Variants in VAV2 observed in about 807,000 individuals in gnomAD.
VAV2 encodes the protein vav guanine nucleotide exchange factor 2, also known as guanine nucleotide exchange factor VAV2.
In VAV2, 67 loss-of-function variants were observed where a neutral mutation model predicts 132.5. The observed-to-expected ratio is 0.51, with a 90% CI of 0.42 to 0.62. The LOEUF (loss-of-function observed/expected upper bound fraction) is 0.62. Ranked by LOEUF, VAV2 falls within the 20% of genes least tolerant of loss-of-function variation. VAV2 has a pLI of 0.00. For synonymous variants in VAV2, 492 were observed against 443.5 expected, an observed-to-expected ratio of 1.11 and a Z score of -1.37; for missense variants, 938 against 1,153.6, an observed-to-expected ratio of 0.81 and a Z score of 2.71.
intron 25 of VAV2, 21 bp downstream of exon 25, chr9:133,774,903 TGGGTCTCCTCG>T: frequency 6.3e-7 from 1 of 1,585,932 alleles, no homozygotes; most frequent in Non-Finnish European, 8.6e-7. Flanking sequence ...CATTGGGGGA[TGGGTCTCCTCG>T]AGCCCAGAGC....
At position 133,788,331 on chromosome 9, in the gene VAV2, A is replaced by AG. The variant is rs752614537; in HGVS notation, c.1407+22dup. The AG allele has an allele frequency of 5.1e-6, 8 of 1,577,824 alleles. No individual in the cohort carries two copies. In the South Asian group the frequency reaches 7.7e-5, roughly 15 times the overall value. On this transcript the variant is annotated intron_variant, in intron 15 of 29. Transcript: ENST00000371850. The surrounding 1 kb of genome is among the most constrained non-coding windows in gnomAD (Gnocchi z 5.3). ...GGCCACCCCCACGTTCCTGGGTAGC[A>AG]GGGGGGACCCGGAAGGCCCCACCTT...
intron 2 of VAV2, among the ~76,000 whole-genome samples, chr9:133,917,441 C>CTTTCTTTTTT (rs1840134969): frequency 3.0e-5 from 4 of 132,610 alleles, no homozygotes; most frequent in African/African-American, 1.3e-4. Flanking sequence ...AAAACTCTTT[C>CTTTCTTTTTT]TTTTTTTTTT....
intron 2 of VAV2, among the ~76,000 whole-genome samples, chr9:133,910,967 G>A (rs1282914185): frequency 6.6e-6 from 1 of 152,134 alleles, no homozygotes; most frequent in Non-Finnish European, 1.5e-5. Context: ...TTTGTCTATG[G>A]GTCACGGCAG....
intron 2 of VAV2, among the ~76,000 whole-genome samples, chr9:133,933,744 GA>G: frequency 7.0e-6 from 1 of 143,054 alleles, no homozygotes; most frequent in African/African-American, 2.6e-5. Context: ...ATGAATGGAT[GA>G]GTGGATGGAT....
At chr9:133,902,114 T>G (rs1263515013) in intron 2 of VAV2, among the ~76,000 whole-genome samples, 5 of 151,118 alleles carry the variant, frequency 3.3e-5, no homozygotes, top group Non-Finnish European at 1.5e-5. Context: ...ATCACAGACT[T>G]GGACCCAGGA....
intron 9 of VAV2, among the ~76,000 whole-genome samples, chr9:133,799,239 C>T (rs916831869): frequency 2.0e-5 from 3 of 152,152 alleles, no homozygotes; most frequent in South Asian, 2.1e-4. Context: ...GGCACAGGGA[C>T]GGGCATCTTG....
At chr9:133,861,280 C>T in intron 3 of VAV2, 94 bp downstream of exon 3, 3 of 1,351,734 alleles carry the variant, frequency 2.2e-6, no homozygotes, top group Non-Finnish European at 3.0e-6. Context: ...AGGCAGAGGG[C>T]ATCTGCTTCC....
chr9:133,768,726 T>C lies in VAV2; in HGVS notation c.2435-130A>G. ...CTGCTCTGTACCCAGAGAGGAAGGA[T>C]GTCAAGCAGAAAGGCTCTGGAGGGA... On this transcript the variant is annotated intron_variant, in intron 28 of 29. Transcript: ENST00000371850. The surrounding 1 kb of genome is among the most constrained non-coding windows in gnomAD (Gnocchi z 5.3). The C allele has an allele frequency of 1.6e-6, 2 of 1,229,792 alleles. No homozygotes were observed. The highest frequency in any genetic ancestry group is 2.2e-6 in the Non-Finnish European group (2 of 908,242). 76.2% of individuals were successfully genotyped at this position (1,229,792 alleles called of 1,614,324 possible).
In VAV2 at chr9:133,772,004, G is replaced by A. The variant is rs1413946295; in HGVS notation, c.2178C>T (p.Asp726=). The A allele has an allele frequency of 6.5e-7, 1 of 1,546,232 alleles. No individual in the cohort carries two copies. The highest frequency in any genetic ancestry group is 8.8e-7 in the Non-Finnish European group (1 of 1,139,876). The change falls in exon 26 of 30, where the codon GAC becomes GAT. Residue 726 remains aspartate (D), a synonymous_variant. Transcript: ENST00000371850. Reference sequence around the variant, plus strand: ...TGGCCTCTGTGATGTGGATCCAGTTGTCCTTCTCCACCACCTTGATGTGCT... The same window carrying A: ...TGGCCTCTGTGATGTGGATCCAGTTATCCTTCTCCACCACCTTGATGTGCT... ...EVKHIKVVEK[D]NWIHITEAKK...
intron 1 of VAV2, among the ~76,000 whole-genome samples, chr9:133,953,824 CCT>C (rs1841649952): frequency 6.6e-6 from 1 of 152,204 alleles, no homozygotes. Flanking sequence ...CAGCTGCCTC[CCT>C]GTCTCCAAAG....
At chr9:133,810,742 C>CCT (rs34360117) in intron 5 of VAV2, among the ~76,000 whole-genome samples, 67,260 of 151,998 alleles carry the variant, frequency 0.44, 16,793 homozygotes, top group African/African-American at 0.69. Context: ...AGGTCTGAGA[C>CCT]CTTCAGAACC....
intron 2 of VAV2, among the ~76,000 whole-genome samples, chr9:133,915,800 C>A (rs1268017657): frequency 7.2e-6 from 1 of 138,350 alleles, no homozygotes; most frequent in Non-Finnish European, 1.6e-5. Flanking sequence ...TACATGTACA[C>A]ACGATGCACA....
intron 29 of VAV2, 26 bp from the exon 30 acceptor site, chr9:133,764,135 TGTGTGTGTGTGTGTGTGTGTAAGCAG>T: frequency 3.0e-6 from 1 of 329,958 alleles, no homozygotes; most frequent in Non-Finnish European, 4.7e-6. Context: ...AGATCGTGTC[TGTGTGTGTGTGTGTGTGTGTAAGCAG>T]GTGTGTGCAT....
intron 2 of VAV2, among the ~76,000 whole-genome samples, chr9:133,931,943 A>G (rs942549819): frequency 6.6e-6 from 1 of 152,208 alleles, no homozygotes; most frequent in Non-Finnish European, 1.5e-5. Flanking sequence ...ACCACGGCAC[A>G]TGGTAAACAG....
intron 1 of VAV2, among the ~76,000 whole-genome samples, chr9:133,979,502 C>A (rs1158449395): frequency 6.6e-6 from 1 of 152,150 alleles, no homozygotes; most frequent in Non-Finnish European, 1.5e-5. Flanking sequence ...AAGGAGCGGA[C>A]GCCGCAGCCG....
chr9:133,789,375 G>A (rs2072059), intron 13 of VAV2, 32 bp from the exon 14 acceptor site: 697,106 of 1,610,000 alleles, frequency 0.43, 152,030 homozygotes, highest in South Asian at 0.52. Context: ...GTCAGCCGGG[G>A]CTGGAGCAGC....
chr9:133,791,641 A>T (rs996543106), intron 13 of VAV2, 142 bp downstream of exon 13: 3 of 720,754 alleles, frequency 4.2e-6, no homozygotes, highest in Non-Finnish European at 7.2e-6. Context: ...GATCAAACTC[A>T]GAAGTTGCCG....
intron 4 of VAV2, among the ~76,000 whole-genome samples, chr9:133,832,019 A>G (rs1836283346): frequency 6.6e-6 from 1 of 152,194 alleles, no homozygotes; most frequent in Admixed American, 6.5e-5. Context: ...AGCCCCAAAA[A>G]AGCTCGTAAG....
At chr9:133,951,235 A>G (rs1310623727) in intron 1 of VAV2, among the ~76,000 whole-genome samples, 1 of 152,236 alleles carries the variant, frequency 6.6e-6, no homozygotes, top group Non-Finnish European at 1.5e-5. Flanking sequence ...AGAAGGCCAC[A>G]AGCCAGCCAT....
Sources: allele counts gnomAD v4.1 joint callset (sites outside exome capture counted in the v4.1 genomes callset), GRCh38; gene constraint gnomAD v4.1.1; non-coding constraint Gnocchi (gnomAD v3.1); transcripts MANE v1.5; gene names NCBI Gene and HGNC (gene_info 2026-07-23, HGNC 2026-07-21).